The following PLEKHH2 variants were observed in gnomAD, a reference collection of about 807,000 sequenced individuals.
PLEKHH2 encodes pleckstrin homology domain-containing family H member 2.
A neutral mutation model predicts 187.9 loss-of-function variants in PLEKHH2; 129 were observed. The observed-to-expected ratio is 0.69, with a 90% confidence interval of 0.59 to 0.79. The LOEUF is 0.79. Ranked by LOEUF, PLEKHH2 falls within the 30% of genes least tolerant of loss-of-function variation. PLEKHH2 has a pLI of 0.00. For synonymous variants in PLEKHH2, 686 were observed against 605.6 expected (o/e 1.13, Z -1.95); for missense variants, 2,076 against 1,751.2 (o/e 1.19, Z -3.31).
intron 4 of PLEKHH2, 68 bp downstream of exon 4, chr2:43,692,731 AAG>A: frequency 6.7e-7 from 1 of 1,486,616 alleles, no homozygotes. Flanking sequence ...AAAGATTAAA[AAG>A]AGAGAGCCTA....
intron 5 of PLEKHH2, among the ~76,000 whole-genome samples, 179 bp downstream of exon 5, chr2:43,694,693 A>G (rs1669002747): frequency 1.3e-5 from 2 of 152,196 alleles, no homozygotes; most frequent in South Asian, 2.1e-4. Flanking sequence ...TATTTTAAAA[A>G]TTAAACATAT....
At chr2:43,688,020 CA>C (rs1263238130) in intron 3 of PLEKHH2, among the ~76,000 whole-genome samples, 10 of 152,150 alleles carry the variant, frequency 6.6e-5, no homozygotes, top group African/African-American at 1.7e-4. Context: ...AGGCTGGCCT[CA>C]AACTCCTGGG....
chr2:43,751,379 A>G (rs1672003196), intron 24 of PLEKHH2, among the ~76,000 whole-genome samples: 1 of 152,168 alleles, frequency 6.6e-6, no homozygotes, highest in Non-Finnish European at 1.5e-5. Flanking sequence ...GGGTGAACAG[A>G]GAGAGATTGC....
At chr2:43,760,924 G>GTAA (rs1477317812) in intron 27 of PLEKHH2, among the ~76,000 whole-genome samples, 2 of 152,190 alleles carry the variant, frequency 1.3e-5, no homozygotes, top group Non-Finnish European at 2.9e-5. Context: ...TTCACTTAGT[G>GTAA]TAATGTCTTC....
rs558946969 is a variant in PLEKHH2, at chr2:43,644,707, G to A, written c.34G>A (p.Asp12Asn). ...GCTTTCTGAGCCAGAGGGACCAGTAGATTGGAAGGAACGATGTGTAGCTCT... is the reference window on the plus strand; with the variant it reads ...GCTTTCTGAGCCAGAGGGACCAGTAAATTGGAAGGAACGATGTGTAGCTCT... ...AELSEPEGPV[D>N]WKERCVALES... Residue 12 changes from aspartate (D) to asparagine (N), a missense_variant, in exon 2 of 30, where the codon GAT becomes AAT. Transcript: ENST00000282406. The A allele has an allele frequency of 1.9e-6, 3 of 1,607,440 alleles. No homozygotes were observed. The highest frequency in any genetic ancestry group is 4.5e-5 in the East Asian group (2 of 44,696).
intron 3 of PLEKHH2, among the ~76,000 whole-genome samples, chr2:43,685,455 T>A (rs1345688289): frequency 6.6e-6 from 1 of 152,178 alleles, no homozygotes; most frequent in South Asian, 2.1e-4. Flanking sequence ...TGAGACAGGG[T>A]CTTGCTCTGT....
At position 43,675,898 on chromosome 2, in the gene PLEKHH2, A is replaced by C. The variant is rs1233868041; in HGVS notation, c.124-2965A>C. 1.9e-6 allele frequency: 3 copies of C among 1,614,022 alleles called. No individual in the cohort carries two copies. In the African/African-American group the frequency reaches 4.0e-5, roughly 22 times the overall value. The stretch of plus-strand genomic sequence containing the variant: ...TTCAATGACAGCAAACGTAGTGGGA[A>C]GTGCAAGGAAGAACCAGTTGTAGTT... On this transcript the variant is annotated intron_variant, in intron 2 of 29. Coordinates refer to ENST00000282406, the MANE Select transcript of PLEKHH2 (RefSeq NM_172069.4).
At chr2:43,679,002 C>T in intron 3 of PLEKHH2, 77 bp downstream of exon 3, 3 of 931,514 alleles carry the variant, frequency 3.2e-6, no homozygotes, top group Non-Finnish European at 5.1e-6. Flanking sequence ...AATGGAAAGA[C>T]AATTATCAGC....
intron 2 of PLEKHH2, among the ~76,000 whole-genome samples, chr2:43,659,977 T>C (rs1490455865): frequency 1.3e-5 from 2 of 152,226 alleles, no homozygotes; most frequent in East Asian, 1.9e-4. Flanking sequence ...CCGTAACCAC[T>C]ACCACAATCA....
At chr2:43,703,020 G>A (rs1669465656) in intron 8 of PLEKHH2, among the ~76,000 whole-genome samples, 2 of 152,134 alleles carry the variant, frequency 1.3e-5, no homozygotes, top group African/African-American at 4.8e-5. Flanking sequence ...TTCTGTTGCT[G>A]TTTGTGTGTG....
intron 19 of PLEKHH2, among the ~76,000 whole-genome samples, 171 bp downstream of exon 19, chr2:43,731,773 A>G (rs964843373): frequency 6.6e-6 from 1 of 152,196 alleles, no homozygotes; most frequent in African/African-American, 2.4e-5. Context: ...TGAATTTCAT[A>G]TGCTTTCTTA....
chr2:43,646,639 T>A (rs1201471670), intron 2 of PLEKHH2, among the ~76,000 whole-genome samples: 4 of 152,190 alleles, frequency 2.6e-5, no homozygotes, highest in African/African-American at 9.6e-5. Context: ...GTGCCCATTT[T>A]AAAAATAATA....
Position 43,740,994 on chromosome 2 carries a change from C to T in PLEKHH2, c.3172C>T (p.Pro1058Ser). The T allele has an allele frequency of 1.2e-6, 2 of 1,614,064 alleles. No individual in the cohort carries two copies. The highest frequency in any genetic ancestry group is 1.7e-6 in the Non-Finnish European group (2 of 1,179,970). Residue 1058 changes from proline to serine, a missense_variant, in exon 21 of 30, where the codon CCT (proline) becomes TCT (serine). Coordinates refer to ENST00000282406, the MANE Select transcript of PLEKHH2 (RefSeq NM_172069.4). ...CGTTGGGCTCTTCCTTCCCCATCAT[C>T]CTTTCCTGTGGCTCCTCAGGCTTCA... ...LCVGLFLPHHPFLWLLRLHLK... is the reference protein window; with the variant it reads ...LCVGLFLPHHSFLWLLRLHLK...
intron 14 of PLEKHH2, chr2:43,711,547 A>C (rs1572601934): frequency 1.0e-6 from 1 of 966,076 alleles, no homozygotes; most frequent in East Asian, 1.1e-4. Flanking sequence ...TTAGTTGCTA[A>C]AACTATGCTA....
chr2:43,666,113 A>G (rs1430628763), intron 2 of PLEKHH2, among the ~76,000 whole-genome samples: 1 of 149,524 alleles, frequency 6.7e-6, no homozygotes, highest in Non-Finnish European at 1.5e-5. Flanking sequence ...CTGCTGTGCT[A>G]GCAATCAGCG....
chr2:43,742,637 C>A (rs775485379), intron 21 of PLEKHH2, 104 bp from the exon 22 acceptor site: 48 of 844,062 alleles, frequency 5.7e-5, no homozygotes, highest in Admixed American at 4.8e-4. Context: ...CAAAATTAGC[C>A]TAATACATTG....
intron 2 of PLEKHH2, chr2:43,675,461 ACATCATTACTTC>A: frequency 6.2e-7 from 1 of 1,614,008 alleles, no homozygotes; most frequent in Non-Finnish European, 8.5e-7. Flanking sequence ...TACAGGCCAT[ACATCATTACTTC>A]CATCTTTTGG....
intron 17 of PLEKHH2, among the ~76,000 whole-genome samples, chr2:43,727,310 G>T (rs1327249710): frequency 2.6e-5 from 4 of 151,886 alleles, no homozygotes; most frequent in African/African-American, 9.7e-5. Flanking sequence ...TACTTGGGAG[G>T]CTGAGGCAGG....
intron 20 of PLEKHH2, among the ~76,000 whole-genome samples, chr2:43,739,342 T>A (rs1450680959): frequency 6.6e-6 from 1 of 152,232 alleles, no homozygotes; most frequent in Non-Finnish European, 1.5e-5. Flanking sequence ...TCTTTATTAG[T>A]GCAGTTGAAT....
Sources: gnomAD v4.1 joint callset for allele counts (sites outside exome capture counted in the v4.1 genomes callset) on GRCh38, gnomAD v4.1.1 for gene constraint, MANE v1.5 for transcripts, NCBI Gene and HGNC (gene_info 2026-07-23, HGNC 2026-07-21) for gene names.